Variants in INTS7 observed in about 807,000 individuals in gnomAD.
The protein encoded by INTS7 is integrator complex subunit 7, also known as chromosome 1 open reading frame 73.
A neutral mutation model predicts 109.2 loss-of-function variants in INTS7; 46 were observed. The ratio of observed to expected loss-of-function variants is 0.42; its 90% CI spans 0.33 to 0.54. The LOEUF (loss-of-function observed/expected upper bound fraction) is 0.54. INTS7 is among the 20% of genes least tolerant of loss of function. The probability of loss-of-function intolerance (pLI) is 0.07; values close to 1 mark genes in which losing one functional copy is unlikely to be tolerated. For missense variants in INTS7, 929 were observed against 1,132.4 expected, an observed-to-expected ratio of 0.82 and a Z score of 2.58; for synonymous variants, 412 against 402.9, an observed-to-expected ratio of 1.02 and a Z score of -0.27.
intron 17 of INTS7, among the ~76,000 whole-genome samples, chr1:211,949,343 G>T (rs1446922179): frequency 2.6e-5 from 4 of 152,064 alleles, no homozygotes; most frequent in East Asian, 1.9e-4. Context: ...CTATCCAACT[G>T]CCTAAAGACA....
At position 211,975,234 on chromosome 1, in the gene INTS7, A is replaced by G. The variant is rs1487611400; in HGVS notation, c.1747T>C (p.Tyr583His). Residue 583 changes from tyrosine to histidine, a missense_variant, in exon 13 of 20, where the codon TAT becomes CAT. By Grantham distance (83) the Tyr-to-His change is moderately conservative (BLOSUM62 2). Transcript: ENST00000366994. ...QCLTGLQEEN[Y>H]SSALSCIAES... ...GCAATGCAAGAAAGTGCTGAACTAT[A>G]ATTTTCCTCTTGCAACCCAGTGAGA... The G allele has an allele frequency of 3.7e-6, 6 of 1,613,918 alleles. No homozygotes were observed. The highest frequency in any genetic ancestry group is 1.1e-5 in the South Asian group (1 of 91,088).
intron 16 of INTS7, among the ~76,000 whole-genome samples, chr1:211,962,466 T>A (rs749631080): frequency 2.0e-5 from 3 of 151,992 alleles, no homozygotes; most frequent in Non-Finnish European, 4.4e-5. Flanking sequence ...CAGTATTAGA[T>A]CACTGAGGCA....
intron 13 of INTS7, among the ~76,000 whole-genome samples, chr1:211,972,235 C>T (rs79347609): frequency 0.026 from 3,925 of 151,402 alleles, 57 homozygotes; most frequent in African/African-American, 0.045. Context: ...GATATTATGC[C>T]TATTCAATAT....
rs770452583 is a variant in INTS7, at chr1:211,976,675, C to T, written c.1515G>A (p.Leu505=). The change falls in exon 12 of 20, where the codon TTG becomes TTA. Residue 505 remains leucine, a synonymous_variant. Transcript: ENST00000366994. ...TVIFVASQKA[L]SVESKAVIKQ... ...TAATTACTGCCTTACTTTCCACAGA[C>T]AATGCCTTCTGACTTGCAACAAAAA... The T allele has an allele frequency of 1.2e-5, 20 of 1,613,888 alleles. No individual in the cohort carries two copies. The South Asian group carries it at 2.0e-4, about 16-fold the overall frequency.
At chr1:212,012,812 C>T (rs537380728) in intron 4 of INTS7, among the ~76,000 whole-genome samples, 18 of 152,146 alleles carry the variant, frequency 1.2e-4, no homozygotes, top group Non-Finnish European at 2.1e-4. Context: ...CTAATAAGAA[C>T]ACAAGAGAAA....
chr1:211,994,141 G>A (rs1665266382), intron 7 of INTS7, among the ~76,000 whole-genome samples: 1 of 152,092 alleles, frequency 6.6e-6, no homozygotes, highest in South Asian at 2.1e-4. Flanking sequence ...AGAGAAGGAA[G>A]AAGGGAAGCC....
intron 2 of INTS7, 87 bp from the exon 3 acceptor site, chr1:212,020,355 C>T (rs1571913003): frequency 1.3e-6 from 1 of 773,720 alleles, no homozygotes; most frequent in East Asian, 2.8e-5. Context: ...TAAATTTTAG[C>T]AACACACAAA....
At chr1:211,980,405 A>G (rs1004112343) in intron 10 of INTS7, among the ~76,000 whole-genome samples, 4 of 151,716 alleles carry the variant, frequency 2.6e-5, no homozygotes, top group African/African-American at 9.7e-5. Context: ...TTCACGTTTC[A>G]CTCCAAAAAG....
intron 17 of INTS7, among the ~76,000 whole-genome samples, chr1:211,948,180 G>C (rs1334926264): frequency 6.6e-6 from 1 of 151,962 alleles, no homozygotes; most frequent in East Asian, 1.9e-4. Flanking sequence ...TTTTAAAGTT[G>C]GGTGTTAAGG....
chr1:212,031,389 A>T (rs573183153), intron 1 of INTS7, among the ~76,000 whole-genome samples: 1 of 152,366 alleles, frequency 6.6e-6, no homozygotes, highest in African/African-American at 2.4e-5. Context: ...TATGTATAGT[A>T]ATGATCATAT....
chr1:212,015,710 TAAAAAAAAAAAAAAAAAAAAA>T (rs58204818), intron 4 of INTS7, among the ~76,000 whole-genome samples: 16 of 34,952 alleles, frequency 4.6e-4, no homozygotes, highest in Admixed American at 8.1e-4. Context: ...CAATAAATAC[TAAAAAAAAAAAAAAAAAAAAA>T]AAAAAAAAAA....
At chr1:211,962,710 C>A (rs967995138) in intron 16 of INTS7, among the ~76,000 whole-genome samples, 2 of 152,092 alleles carry the variant, frequency 1.3e-5, no homozygotes, top group African/African-American at 4.8e-5. Context: ...AATTAGAAAT[C>A]AAGACCAAGA....
chr1:211,988,934 A>AAT (rs1665025578), intron 7 of INTS7, among the ~76,000 whole-genome samples: 1 of 152,210 alleles, frequency 6.6e-6, no homozygotes, highest in African/African-American at 2.4e-5. Flanking sequence ...GTGAACTATG[A>AAT]ATACATAATC....
intron 16 of INTS7, among the ~76,000 whole-genome samples, chr1:211,963,363 A>T (rs1663730663): frequency 6.6e-6 from 1 of 152,122 alleles, no homozygotes; most frequent in African/African-American, 2.4e-5. Flanking sequence ...TACCAACCAA[A>T]AAAAAAGCCC....
chr1:212,014,888 C>G (rs557668798), intron 4 of INTS7, among the ~76,000 whole-genome samples: 1 of 152,194 alleles, frequency 6.6e-6, no homozygotes, highest in African/African-American at 2.4e-5. Flanking sequence ...GATCTCCGCT[C>G]GCTATAACCT....
At chr1:212,034,031 C>T (rs1002699547) in intron 1 of INTS7, among the ~76,000 whole-genome samples, 10 of 151,832 alleles carry the variant, frequency 6.6e-5, no homozygotes, top group South Asian at 2.1e-4. Flanking sequence ...TGCAGTGAGC[C>T]GAGATGGCGC....
chr1:211,989,066 G>T (rs1665033067), intron 7 of INTS7, among the ~76,000 whole-genome samples: 2 of 151,894 alleles, frequency 1.3e-5, no homozygotes, highest in Non-Finnish European at 2.9e-5. Flanking sequence ...CAAAGATAAA[G>T]GTTCAGAAAA....
chr1:211,952,733 CA>C (rs1303910032), intron 16 of INTS7, 32 bp from the exon 17 acceptor site: 1 of 1,590,818 alleles, frequency 6.3e-7, no homozygotes. Flanking sequence ...ATTAATCCAT[CA>C]AAATAGCATG....
intron 12 of INTS7, 103 bp from the exon 13 acceptor site, chr1:211,975,475 T>C (rs1341298348): frequency 1.3e-6 from 1 of 772,172 alleles, no homozygotes; most frequent in Non-Finnish European, 2.2e-6. Flanking sequence ...ACCCAAACCT[T>C]GGATAAGTCT....
Sources: allele counts gnomAD v4.1 joint callset (sites outside exome capture counted in the v4.1 genomes callset), GRCh38; gene constraint gnomAD v4.1.1; transcripts MANE v1.5; gene names NCBI Gene and HGNC (gene_info 2026-07-23, HGNC 2026-07-21).